The following SHOX2 variants were observed in gnomAD, a reference collection of about 807,000 sequenced individuals.
The protein encoded by SHOX2 is SHOX homeobox 2, also known as short stature homeobox protein 2.
In SHOX2, 13 loss-of-function variants were observed where a neutral mutation model predicts 31.3. The observed-to-expected ratio is 0.42, with a 90% CI of 0.27 to 0.66. The LOEUF is 0.66. SHOX2 is among the 30% of genes least tolerant of loss of function. SHOX2 has a pLI of 0.27. For missense variants in SHOX2, 473 were observed against 443.0 expected, an observed-to-expected ratio of 1.07 and a Z score of -0.61; for synonymous variants, 244 against 196.2, an observed-to-expected ratio of 1.24 and a Z score of -2.04.
intron 1 of SHOX2, 105 bp downstream of exon 1, chr3:158,105,574 C>G: frequency 9.5e-7 from 1 of 1,055,556 alleles, no homozygotes; most frequent in Non-Finnish European, 1.3e-6. Context: ...GGGCCCTCTC[C>G]GTGTCCCTCT....
At chr3:158,101,903 T>C (rs901392808) in intron 2 of SHOX2, among the ~76,000 whole-genome samples, 2 of 152,220 alleles carry the variant, frequency 1.3e-5, no homozygotes, top group African/African-American at 4.8e-5. Context: ...CCAAAGCCTA[T>C]TTTTGCTATT....
At chr3:158,103,870 T>G (rs1713673724) in intron 1 of SHOX2, 1 of 152,282 alleles carries the variant, frequency 6.6e-6, no homozygotes, top group Non-Finnish European at 1.5e-5. Context: ...GGATGTTTAA[T>G]AAAATATGAA....
At chr3:158,105,037 C>G in intron 1 of SHOX2, 6 of 416,046 alleles carry the variant, frequency 1.4e-5, no homozygotes, top group Admixed American at 2.9e-5. Context: ...CCGCCGCCCC[C>G]CCCCCCCGCC....
At position 158,100,129 on chromosome 3, in the gene SHOX2, G is replaced by A. The variant is rs1713400656; in HGVS notation, c.613+125C>T. 4.1e-6 allele frequency: 4 copies of A among 966,214 alleles called. No homozygotes were observed. The Admixed American group carries it at 1.0e-4, about 25-fold the overall frequency. The allele number at this position is 966,214 out of a possible 1,614,324, so 59.9% of individuals were successfully genotyped here. A position where few individuals can be genotyped will look rare whatever the true frequency, so the allele number is the denominator to read the frequency against. On this transcript the variant is annotated intron_variant, in intron 3 of 4. Coordinates refer to ENST00000483851, the MANE Select transcript of SHOX2 (RefSeq NM_001163678.2). Reference sequence around the variant, plus strand: ...CTTTAGGACTCCATTAACAGCCTTTGAAGATTATTAAGTCAAGAACTATTG... The same window carrying A: ...CTTTAGGACTCCATTAACAGCCTTTAAAGATTATTAAGTCAAGAACTATTG...
Position 158,102,712 on chromosome 3 carries a change from C to G in SHOX2, c.521G>C (p.Ser174Thr). The change falls in exon 2 of 5, where the codon AGC becomes ACC. Residue 174 changes from serine (S) to threonine (T), a missense_variant. Transcript: ENST00000483851. ...YPDAFMREEL[S>T]QRLGLSEARV... Reference sequence around the variant, plus strand: ...GGCCTCCGACAGGCCCAGTCGCTGGCTCAGTTCCTCTCGCATGAAGGCGTC... The same window carrying G: ...GGCCTCCGACAGGCCCAGTCGCTGGGTCAGTTCCTCTCGCATGAAGGCGTC... The G allele has an allele frequency of 1.2e-6, 2 of 1,614,158 alleles. No individual in the cohort carries two copies. Among genetic ancestry groups the G allele is most frequent in the Non-Finnish European group, 1.7e-6 (2 of 1,180,030 alleles).
In SHOX2 at chr3:158,106,235, A is replaced by G. The variant is rs1408640593; in HGVS notation, c.-211T>C. The stretch of plus-strand genomic sequence containing the variant: ...AGTAGAAGGAGAAAAAGAAGTAAGA[A>G]GAGGAGGAGGAGGAAGAAGAGGAAG... On this transcript the variant is annotated 5_prime_UTR_variant, in exon 1 of 5. Coordinates refer to ENST00000483851, the MANE Select transcript of SHOX2 (RefSeq NM_001163678.2). 2.8e-6 allele frequency: 2 copies of G among 714,434 alleles called. No individual in the cohort carries two copies. The highest frequency in any genetic ancestry group is 4.3e-6 in the Non-Finnish European group (2 of 470,278). The allele number at this position is 714,434 out of a possible 1,614,324, so 44.3% of individuals were successfully genotyped here. A position where few individuals can be genotyped will look rare whatever the true frequency, so the allele number is the denominator to read the frequency against.
intron 2 of SHOX2, 55 bp from the exon 3 acceptor site, chr3:158,100,366 T>G (rs1578075169): frequency 2.1e-6 from 3 of 1,400,756 alleles, no homozygotes; most frequent in East Asian, 4.7e-5. Flanking sequence ...CTAAAAATTT[T>G]TTTAAATTAC....
chr3:158,100,151 A>G, intron 3 of SHOX2, 103 bp downstream of exon 3: 1 of 1,045,254 alleles, frequency 9.6e-7, no homozygotes, highest in Non-Finnish European at 1.4e-6. Context: ...GTCAAGAACT[A>G]TTGTCATTTT....
intron 4 of SHOX2, among the ~76,000 whole-genome samples, chr3:158,098,834 G>T (rs377346306): frequency 6.6e-6 from 1 of 152,106 alleles, no homozygotes; most frequent in Non-Finnish European, 1.5e-5. Context: ...ATTCTGATTC[G>T]CAAGGTCTAG....
chr3:158,105,059 A>T (rs1161040001), intron 1 of SHOX2: 3 of 770,424 alleles, frequency 3.9e-6, no homozygotes, highest in Non-Finnish European at 1.9e-6. Context: ...CCAACACACC[A>T]AGAAACCGAA....
At chr3:158,101,955 C>T (rs1399584750) in intron 2 of SHOX2, among the ~76,000 whole-genome samples, 1 of 151,964 alleles carries the variant, frequency 6.6e-6, no homozygotes, top group Non-Finnish European at 1.5e-5. Context: ...TGTTTCAGTC[C>T]TAACTTCATT....
At chr3:158,099,521 C>G (rs1479298197) in intron 4 of SHOX2, among the ~76,000 whole-genome samples, 1 of 152,162 alleles carries the variant, frequency 6.6e-6, no homozygotes, top group Non-Finnish European at 1.5e-5. Context: ...CTTAGAAATA[C>G]CTTAGGACTA....
At chr3:158,098,528 T>C (rs1320746420) in intron 4 of SHOX2, among the ~76,000 whole-genome samples, 11 of 152,190 alleles carry the variant, frequency 7.2e-5, no homozygotes, top group African/African-American at 2.7e-4. Flanking sequence ...GGTAGGCTTA[T>C]TTCCCCGGAC....
intron 1 of SHOX2, 146 bp downstream of exon 1, chr3:158,105,533 C>T (rs952624058): frequency 3.8e-5 from 27 of 710,734 alleles, no homozygotes; most frequent in Non-Finnish European, 5.2e-5. Context: ...CACCCTTCCA[C>T]TATCACTCTA....
Position 158,097,836 on chromosome 3 carries a change from T to G in SHOX2, c.*191A>C. On this transcript the variant is annotated 3_prime_UTR_variant, in exon 5 of 5. Coordinates refer to ENST00000483851, the MANE Select transcript of SHOX2 (RefSeq NM_001163678.2). Reference sequence around the variant, plus strand: ...GGAGCCACGGAGCCTGCGTGCCTCGTGAGATCCCTGGTCCTGCGTGGAGTC... The same window carrying G: ...GGAGCCACGGAGCCTGCGTGCCTCGGGAGATCCCTGGTCCTGCGTGGAGTC... The G allele has an allele frequency of 1.3e-6, 1 of 744,862 alleles. No homozygotes were observed. Among genetic ancestry groups the G allele is most frequent in the Non-Finnish European group, 2.2e-6 (1 of 456,964 alleles). 46.1% of individuals were successfully genotyped at this position (744,862 alleles called of 1,614,324 possible). A position where few individuals can be genotyped will look rare whatever the true frequency, so the allele number is the denominator to read the frequency against.
chr3:158,097,736 C>T lies in SHOX2; in HGVS notation c.*291G>A, dbSNP rs1158228718. 2.3e-6 allele frequency: 1 copy of T among 434,018 alleles called. No homozygotes were observed. Among genetic ancestry groups the T allele is most frequent in the African/African-American group, 2.0e-5 (1 of 49,782 alleles). 26.9% of individuals were successfully genotyped at this position (434,018 alleles called of 1,614,324 possible). On this transcript the variant is annotated 3_prime_UTR_variant, in exon 5 of 5. Transcript: ENST00000483851. Reference sequence around the variant, plus strand: ...CTCCGCGGTTCCAGCACTCCCCTGTCCAGTCTCTCTCCAGACTCCCCCAAA... The same window carrying T: ...CTCCGCGGTTCCAGCACTCCCCTGTTCAGTCTCTCTCCAGACTCCCCCAAA...
chr3:158,102,799 G>T lies in SHOX2; in HGVS notation c.434C>A (p.Thr145Asn). 6.2e-7 allele frequency: 1 copy of T among 1,614,016 alleles called. No homozygotes were observed. Among genetic ancestry groups the T allele is most frequent in the Non-Finnish European group, 8.5e-7 (1 of 1,180,008 alleles). Residue 145 changes from threonine to asparagine, a missense_variant, in exon 2 of 5, where the codon ACC becomes AAC. Physicochemically the swap from Thr to Asn is moderately conservative, Grantham distance 65 (BLOSUM62 0). Transcript: ENST00000483851. ...ATTGAGTTGTTCCAGGGTGAAATTG[G>T]TCCGACTTCGCCTCTGCTTGATTTT... ...QTKIKQRRSR[T>N]NFTLEQLNEL...
At position 158,097,972 on chromosome 3, in the gene SHOX2, G is replaced by A. The variant is rs1713228741; in HGVS notation, c.*55C>T. Reference sequence around the variant, plus strand: ...TAACGGAGAAGCAGCGGGGCGCGGAGGGCGTGCAGGCTGAGTGCCGCGGGA... The same window carrying A: ...TAACGGAGAAGCAGCGGGGCGCGGAAGGCGTGCAGGCTGAGTGCCGCGGGA... On this transcript the variant is annotated 3_prime_UTR_variant, in exon 5 of 5. Coordinates refer to ENST00000483851, the MANE Select transcript of SHOX2 (RefSeq NM_001163678.2). 5 of 1,537,892 alleles carry A rather than the reference G, an allele frequency of 3.3e-6. No individual in the cohort carries two copies. Among genetic ancestry groups the A allele is most frequent in the Non-Finnish European group, 4.4e-6 (5 of 1,143,132 alleles).
rs988355847 is a variant in SHOX2 at position 158,105,142 on chromosome 3, T to C, written c.346+537A>G. On this transcript the variant is annotated intron_variant, in intron 1 of 4. Coordinates refer to ENST00000483851, the MANE Select transcript of SHOX2 (RefSeq NM_001163678.2). ...GGCTTCCTTCTACCTTGAAAGAGAA[T>C]GGGAAGTTTTGGCCCCTAAGATCCA... The C allele has an allele frequency of 3.3e-6, 5 of 1,494,562 alleles. No homozygotes were observed. The African/African-American group carries it at 5.6e-5, about 17-fold the overall frequency. 92.6% of individuals were successfully genotyped at this position (1,494,562 alleles called of 1,614,324 possible).
Sources: gnomAD v4.1 joint callset for allele counts (sites outside exome capture counted in the v4.1 genomes callset) on GRCh38, gnomAD v4.1.1 for gene constraint, MANE v1.5 for transcripts, NCBI Gene and HGNC (gene_info 2026-07-23, HGNC 2026-07-21) for gene names.